NUP35: variants seen among roughly 807,000 people sequenced by gnomAD.
NUP35 encodes nucleoporin NUP35.
A neutral mutation model predicts 41.5 loss-of-function variants in NUP35; 25 were observed. That is an observed-to-expected ratio of 0.60 (90% CI 0.44 to 0.84). The LOEUF is 0.84. NUP35 is among the 40% of genes least tolerant of loss of function. The pLI is 0.00. For synonymous variants in NUP35, 149 were observed against 130.7 expected (o/e 1.14, Z -0.96); for missense variants, 396 against 396.6 (o/e 1.00, Z 0.01).
At chr2:183,156,288 A>G (rs886789133) in intron 5 of NUP35, among the ~76,000 whole-genome samples, 4 of 152,184 alleles carry the variant, frequency 2.6e-5, no homozygotes, top group Non-Finnish European at 4.4e-5. Flanking sequence ...TTTTATACAA[A>G]TGAATTTTCA....
At chr2:183,124,880 C>T (rs1386997365) in intron 1 of NUP35, among the ~76,000 whole-genome samples, 4 of 152,222 alleles carry the variant, frequency 2.6e-5, no homozygotes, top group Non-Finnish European at 5.9e-5. Context: ...CTGGGAGGAA[C>T]TGACCGCGGT....
chr2:183,126,243 A>G (rs957303882), intron 1 of NUP35, among the ~76,000 whole-genome samples: 1 of 152,072 alleles, frequency 6.6e-6, no homozygotes, highest in African/African-American at 2.4e-5. Context: ...TTTTGTCCAG[A>G]CTGGTCTCGA....
chr2:183,160,073 A>G (rs1685817481), intron 8 of NUP35: 2 of 157,148 alleles, frequency 1.3e-5, no homozygotes, highest in South Asian at 2.0e-4. Flanking sequence ...ACCTCCAGAC[A>G]GAAAAAAATT....
chr2:183,130,882 A>G (rs1684674340), intron 3 of NUP35: 5 of 831,480 alleles, frequency 6.0e-6, no homozygotes, highest in Middle Eastern at 5.0e-4. Context: ...TTAATATTTA[A>G]TATTTAAAAA....
intron 3 of NUP35, 64 bp from the exon 4 acceptor site, chr2:183,133,502 C>CT (rs1684767535): frequency 2.0e-5 from 26 of 1,322,432 alleles, no homozygotes; most frequent in Non-Finnish European, 2.6e-5. Flanking sequence ...TGAATGAAGC[C>CT]TTTTAACACT....
At chr2:183,152,984 A>G (rs1365075950) in intron 5 of NUP35, among the ~76,000 whole-genome samples, 3 of 152,226 alleles carry the variant, frequency 2.0e-5, no homozygotes, top group African/African-American at 7.2e-5. Context: ...CCATGGCTGG[A>G]CAGGCCTCAG....
At chr2:183,143,063 G>A (rs1307172735) in intron 4 of NUP35, among the ~76,000 whole-genome samples, 3 of 151,370 alleles carry the variant, frequency 2.0e-5, no homozygotes, top group East Asian at 3.9e-4. Flanking sequence ...GGCTGAGGCA[G>A]GAGAATGGCC....
intron 5 of NUP35, among the ~76,000 whole-genome samples, chr2:183,154,098 A>G (rs4666891): frequency 0.51 from 77,720 of 152,052 alleles, 21,233 homozygotes; most frequent in East Asian, 0.77. Context: ...AGGGGCTGGG[A>G]TACAGGGCAC....
upstream of NUP35, among the ~76,000 whole-genome samples, chr2:183,123,108 A>G (rs1450615685): frequency 3.3e-5 from 5 of 152,198 alleles, no homozygotes; most frequent in African/African-American, 4.8e-5. Flanking sequence ...GCTAAGAAAT[A>G]TAAGTGGCTT....
At chr2:183,128,222 T>C (rs745792789) in intron 1 of NUP35, 65 bp from the exon 2 acceptor site, 3 of 1,283,092 alleles carry the variant, frequency 2.3e-6, no homozygotes, top group Non-Finnish European at 3.1e-6. Context: ...TTGCATGTTT[T>C]TGTCATCAAC....
intron 4 of NUP35, among the ~76,000 whole-genome samples, chr2:183,142,845 G>A (rs1575125066): frequency 6.7e-6 from 1 of 150,356 alleles, no homozygotes; most frequent in Admixed American, 6.6e-5. Flanking sequence ...TCCTTTGAAT[G>A]TACTTAGAAA....
At chr2:183,157,537 C>G (rs761053955) in intron 6 of NUP35, 24 bp downstream of exon 6, 3 of 1,516,798 alleles carry the variant, frequency 2.0e-6, no homozygotes, top group Non-Finnish European at 2.7e-6. Context: ...TTTTTCAGTT[C>G]AGAGTTTTGA....
At chr2:183,152,158 G>A (rs1277915855) in intron 5 of NUP35, among the ~76,000 whole-genome samples, 1 of 106,680 alleles carries the variant, frequency 9.4e-6, no homozygotes, top group East Asian at 4.1e-4. Context: ...CACACACAAT[G>A]TCACAGGGTT....
chr2:183,120,207 A>T (rs1268701067), upstream of NUP35: 3 of 152,310 alleles, frequency 2.0e-5, no homozygotes, highest in Non-Finnish European at 4.4e-5. Flanking sequence ...ACACTTTGGG[A>T]GGCCAAATCT....
chr2:183,123,662 T>C, upstream of NUP35: 1 of 370,816 alleles, frequency 2.7e-6, no homozygotes, highest in African/African-American at 2.2e-5. Flanking sequence ...AGTTAGTATT[T>C]GAGCAAAACT....
At chr2:183,152,600 C>T (rs1428270751) in intron 5 of NUP35, among the ~76,000 whole-genome samples, 1 of 152,174 alleles carries the variant, frequency 6.6e-6, no homozygotes, top group African/African-American at 2.4e-5. Flanking sequence ...GAATAATTTG[C>T]AGTCCCATTC....
chr2:183,136,199 G>A (rs1018617401), intron 4 of NUP35, among the ~76,000 whole-genome samples: 3 of 152,226 alleles, frequency 2.0e-5, no homozygotes, highest in African/African-American at 7.2e-5. Context: ...TTACTTGGGT[G>A]TTAACAGCAG....
intron 4 of NUP35, among the ~76,000 whole-genome samples, chr2:183,149,868 G>T (rs959913672): frequency 1.3e-5 from 2 of 152,000 alleles, no homozygotes; most frequent in Non-Finnish European, 2.9e-5. Context: ...AATTACACTC[G>T]TAAAGTGTAA....
intron 4 of NUP35, among the ~76,000 whole-genome samples, chr2:183,140,962 A>G (rs927293228): frequency 1.1e-4 from 16 of 152,214 alleles, no homozygotes; most frequent in Admixed American, 6.5e-5. Context: ...TAGATGCTAT[A>G]TTAGTTTACT....
Sources: allele counts gnomAD v4.1 joint callset (sites outside exome capture counted in the v4.1 genomes callset), GRCh38; gene constraint gnomAD v4.1.1; transcripts MANE v1.5; gene names NCBI Gene and HGNC (gene_info 2026-07-23, HGNC 2026-07-21).